The following RAP1GAP2 variants were observed in gnomAD, a reference collection of about 807,000 sequenced individuals.
RAP1GAP2 encodes the protein rap1 GTPase-activating protein 2.
A neutral mutation model predicts 95.0 loss-of-function variants in RAP1GAP2; 27 were observed. The observed-to-expected ratio is 0.28, with a 90% CI of 0.21 to 0.39. The LOEUF (loss-of-function observed/expected upper bound fraction) is 0.39, where lower values mean the gene tolerates loss of function less well. Among genes scored for constraint, RAP1GAP2 ranks in the 10% least tolerant of loss-of-function variants. RAP1GAP2 has a pLI of 1.00. For synonymous variants in RAP1GAP2, 373 were observed against 380.9 expected (o/e 0.98, Z 0.24); for missense variants, 771 against 970.0 (o/e 0.79, Z 2.72).
In RAP1GAP2 at chr17:2,879,498, C is replaced by T. The variant is rs181679286; in HGVS notation, c.81-25786C>T. The stretch of plus-strand genomic sequence containing the variant: ...ATCGCAGCACTTTGAGAGGCCAAGG[C>T]GGGCAGATCACGAGATCAGGAGTTC... On this transcript the variant is annotated intron_variant, in intron 2 of 24. Transcript: ENST00000254695. Among the ~76,000 whole-genome samples, 813 of 148,514 alleles carry T rather than the reference C, an allele frequency of 5.5e-3. 2 individuals are homozygous for T. The highest frequency in any genetic ancestry group is 0.012 in the South Asian group (52 of 4,284).
At chr17:2,948,418 G>C in intron 3 of RAP1GAP2, among the ~76,000 whole-genome samples, 1 of 152,246 alleles carries the variant, frequency 6.6e-6, no homozygotes, top group East Asian at 1.9e-4. Context: ...AGTGTTGCAG[G>C]GGCGAGGGTC....
intron 2 of RAP1GAP2, among the ~76,000 whole-genome samples, chr17:2,809,898 G>A (rs1208998029): frequency 6.6e-6 from 1 of 152,160 alleles, no homozygotes; most frequent in Non-Finnish European, 1.5e-5. Context: ...TGGTGTCTGG[G>A]AGCGGGGTGG....
In RAP1GAP2 at chr17:2,979,524, T is replaced by C. The variant is rs143188014; in HGVS notation, c.597-763T>C. 6.4e-3 allele frequency among the ~76,000 whole-genome samples: 887 copies of C among 139,680 alleles called. 1 individual carries two copies. The highest frequency in any genetic ancestry group is 8.9e-3 in the Non-Finnish European group (588 of 66,136). The allele number at this position is 139,680 out of a possible 152,430, so 91.6% of individuals were successfully genotyped here. Reference sequence around the variant, plus strand: ...CTCTGTCACCCAGGCTGAAGTGCAGTGGCACAATCTCGGCTCACTGCAACC... The same window carrying C: ...CTCTGTCACCCAGGCTGAAGTGCAGCGGCACAATCTCGGCTCACTGCAACC... On this transcript the variant is annotated intron_variant, in intron 8 of 24. Transcript: ENST00000254695.
intron 1 of RAP1GAP2, among the ~76,000 whole-genome samples, chr17:2,778,791 C>G (rs1413879546): frequency 3.9e-5 from 6 of 152,178 alleles, no homozygotes; most frequent in African/African-American, 9.7e-5. Context: ...TCTCAGGAAA[C>G]AAGGGCGAGG....
chr17:2,856,689 G>A (rs1389034545), intron 2 of RAP1GAP2, among the ~76,000 whole-genome samples: 2 of 152,186 alleles, frequency 1.3e-5, no homozygotes. Flanking sequence ...GGGACAGGGA[G>A]GGATTGGCTG....
intron 2 of RAP1GAP2, among the ~76,000 whole-genome samples, chr17:2,858,149 G>A (rs1050134331): frequency 1.3e-5 from 2 of 152,128 alleles, no homozygotes; most frequent in African/African-American, 4.8e-5. Context: ...TGTGGCCTTG[G>A]GTGTGACTTT....
intron 13 of RAP1GAP2, among the ~76,000 whole-genome samples, chr17:2,997,703 C>A (rs1336605530): frequency 6.6e-6 from 1 of 151,848 alleles, no homozygotes; most frequent in Admixed American, 6.6e-5. Flanking sequence ...GAGGCTGAGG[C>A]GGGCTGGTCA....
chr17:3,013,889 G>A (rs1458752394), intron 17 of RAP1GAP2, among the ~76,000 whole-genome samples: 1 of 152,050 alleles, frequency 6.6e-6, no homozygotes, highest in Non-Finnish European at 1.5e-5. Flanking sequence ...GAATTGTAGA[G>A]ATTCAATAGA....
chr17:3,026,005 C>T lies in RAP1GAP2; in HGVS notation c.1752-3C>T. The T allele has an allele frequency of 6.2e-7, 1 of 1,606,364 alleles. No homozygotes were observed. Among genetic ancestry groups the T allele is most frequent in the Non-Finnish European group, 8.5e-7 (1 of 1,173,118 alleles). On this transcript the variant is annotated splice_region_variant and splice_polypyrimidine_tract_variant and intron_variant, in intron 19 of 24. Coordinates refer to ENST00000254695, the MANE Select transcript of RAP1GAP2 (RefSeq NM_015085.5). ...GCCTCACTCCTCATTTCCATTCCCT[C>T]AGTGACAGCACATCCAGCACACCCA...
chr17:2,911,195 C>T (rs762299310), intron 3 of RAP1GAP2, among the ~76,000 whole-genome samples: 46 of 151,752 alleles, frequency 3.0e-4, no homozygotes, highest in Non-Finnish European at 5.3e-4. Context: ...CCCTCACTGG[C>T]GTGCCTGCTG....
intron 2 of RAP1GAP2, among the ~76,000 whole-genome samples, chr17:2,838,533 C>A (rs1229444892): frequency 6.6e-6 from 1 of 152,094 alleles, no homozygotes; most frequent in Non-Finnish European, 1.5e-5. Flanking sequence ...GGGTTGTTGA[C>A]CCCTCGGGAT....
chr17:2,862,867 T>A (rs1012314354), intron 2 of RAP1GAP2, among the ~76,000 whole-genome samples: 5 of 151,502 alleles, frequency 3.3e-5, no homozygotes, highest in Non-Finnish European at 7.4e-5. Context: ...CGTGGTGGCG[T>A]GCGCCTGTAA....
At chr17:2,777,752 C>T (rs1424348176) in intron 1 of RAP1GAP2, among the ~76,000 whole-genome samples, 1 of 152,174 alleles carries the variant, frequency 6.6e-6, no homozygotes, top group Non-Finnish European at 1.5e-5. Context: ...TGTTGAGGGG[C>T]TGTCATCAGA....
At chr17:2,917,334 G>A (rs993971170) in intron 3 of RAP1GAP2, among the ~76,000 whole-genome samples, 4 of 151,918 alleles carry the variant, frequency 2.6e-5, no homozygotes, top group South Asian at 2.1e-4. Context: ...GCAATGGCGC[G>A]ATCTCGGCTC....
chr17:3,017,531 G>A (rs1015043901), intron 17 of RAP1GAP2, among the ~76,000 whole-genome samples: 2 of 152,172 alleles, frequency 1.3e-5, no homozygotes, highest in African/African-American at 4.8e-5. Context: ...CACACTTTGG[G>A]ATACAATCCA....
chr17:3,008,061 C>T lies in RAP1GAP2; in HGVS notation c.1410C>T (p.Ala470=). The change falls in exon 17 of 25, where the codon GCC becomes GCT. Residue 470 remains alanine, a synonymous_variant. Transcript: ENST00000254695. The surrounding 1 kb of genome is among the most constrained non-coding windows in gnomAD (Gnocchi z 4.2). ...ACAACCTTCACGATGAGCTCCACGC[C>T]CACACACAGGCCATGCTGGGACTGG... ...LLDNLHDELH[A]HTQAMLGLGP... 1 of 1,613,962 alleles carries T rather than the reference C, an allele frequency of 6.2e-7. No homozygotes were observed. Among genetic ancestry groups the T allele is most frequent in the Non-Finnish European group, 8.5e-7 (1 of 1,179,876 alleles).
chr17:2,985,204 A>G (rs1484639486), intron 11 of RAP1GAP2, 138 bp downstream of exon 11: 14 of 1,435,360 alleles, frequency 9.8e-6, no homozygotes, highest in African/African-American at 1.4e-5. Context: ...TAAGGTATGA[A>G]TTAGACTGGA....
At chr17:2,854,969 G>C (rs2072071103) in intron 2 of RAP1GAP2, among the ~76,000 whole-genome samples, 1 of 152,168 alleles carries the variant, frequency 6.6e-6, no homozygotes. Flanking sequence ...CTGGATCCTA[G>C]TTTCCAGAGG....
chr17:2,988,398 C>G (rs1567861480), intron 11 of RAP1GAP2, among the ~76,000 whole-genome samples: 1 of 152,174 alleles, frequency 6.6e-6, no homozygotes, highest in Non-Finnish European at 1.5e-5. Context: ...CAGTCCGTAA[C>G]CCCTGACAAC....
Sources: gnomAD v4.1 joint callset for allele counts (sites outside exome capture counted in the v4.1 genomes callset) on GRCh38, gnomAD v4.1.1 for gene constraint, Gnocchi (gnomAD v3.1) non-coding constraint, MANE v1.5 for transcripts, NCBI Gene and HGNC (gene_info 2026-07-23, HGNC 2026-07-21) for gene names.